The following DZIP3 variants were observed in gnomAD, a reference collection of about 807,000 sequenced individuals.
The protein encoded by DZIP3 is E3 ubiquitin-protein ligase DZIP3.
In DZIP3, 118 loss-of-function variants were observed where a neutral mutation model predicts 162.0. That is an observed-to-expected ratio of 0.73 (90% CI 0.63 to 0.85). The LOEUF (loss-of-function observed/expected upper bound fraction) is 0.85. Ranked by LOEUF, DZIP3 falls within the 40% of genes least tolerant of loss-of-function variation. The probability of loss-of-function intolerance (pLI) is 0.00; values close to 1 mark genes in which losing one functional copy is unlikely to be tolerated. For synonymous variants in DZIP3, 438 were observed against 458.6 expected, an observed-to-expected ratio of 0.96 and a Z score of 0.57; for missense variants, 1,331 against 1,407.0, an observed-to-expected ratio of 0.95 and a Z score of 0.86.
rs371142337 is a variant in DZIP3, at chr3:108,648,003, A to G, written c.1853A>G (p.Tyr618Cys). 4.3e-6 allele frequency: 7 copies of G among 1,610,362 alleles called. No individual in the cohort carries two copies. In the African/African-American group the frequency reaches 9.4e-5, roughly 22 times the overall value. The part of the protein sequence containing the change: ...EEELSPPLME[Y>C]NINVKSHPEI... ...GAACTAAGTCCACCTCTCATGGAGT[A>G]CAATATAAATGTGAAATCACACCCT... The change falls in exon 16 of 33, where the codon TAC (tyrosine) becomes TGC (cysteine). Residue 618 changes from tyrosine to cysteine, a missense_variant. This residue lies in a region of DZIP3 where 1,278 missense variants were observed against 1,317.1 expected (regional missense o/e 0.97). Coordinates refer to ENST00000361582, the MANE Select transcript of DZIP3 (RefSeq NM_014648.4).
At position 108,662,333 on chromosome 3, in the gene DZIP3, A is replaced by G. The variant is rs138736533; in HGVS notation, c.2423+76A>G. 213 of 1,476,442 alleles carry G rather than the reference A, an allele frequency of 1.4e-4. No homozygotes were observed. In the East Asian group the frequency reaches 4.7e-3, roughly 32 times the overall value. The allele number at this position is 1,476,442 out of a possible 1,614,324, so 91.5% of individuals were successfully genotyped here. ...ATCTTTAATAGTTAATCTCTGCATAACCACTAGGTGGCACTGTGACTACAC... is the reference window on the plus strand; with the variant it reads ...ATCTTTAATAGTTAATCTCTGCATAGCCACTAGGTGGCACTGTGACTACAC... On this transcript the variant is annotated intron_variant, in intron 21 of 32. Transcript: ENST00000361582.
At chr3:108,641,537 A>G (rs1559750594) in intron 12 of DZIP3, among the ~76,000 whole-genome samples, 1 of 152,128 alleles carries the variant, frequency 6.6e-6, no homozygotes, top group Admixed American at 6.6e-5. Flanking sequence ...ATGAGCAGAA[A>G]ATTTTCCAGA....
intron 26 of DZIP3, among the ~76,000 whole-genome samples, chr3:108,678,962 T>G (rs1944208904): frequency 6.6e-6 from 1 of 152,120 alleles, no homozygotes; most frequent in African/African-American, 2.4e-5. Flanking sequence ...AATGATAGTT[T>G]TGCCTTTTAT....
chr3:108,633,057 G>C lies in DZIP3; in HGVS notation c.801G>C (p.Lys267Asn), dbSNP rs1452009622. 2 of 1,473,634 alleles carry C rather than the reference G, an allele frequency of 1.4e-6. No individual in the cohort carries two copies. The highest frequency in any genetic ancestry group is 9.0e-7 in the Non-Finnish European group (1 of 1,108,590). The allele number at this position is 1,473,634 out of a possible 1,614,324, so 91.3% of individuals were successfully genotyped here. Residue 267 changes from lysine (K) to asparagine (N), a missense_variant, in exon 9 of 33, where the codon AAG (lysine) becomes AAC (asparagine). Physicochemically the swap from Lys to Asn is moderately conservative, Grantham distance 94. Around this residue, in one of 2 missense-constraint regions of DZIP3, gnomAD observed 1,278 missense variants for 1,317.1 expected, o/e 0.97. Coordinates refer to ENST00000361582, the MANE Select transcript of DZIP3 (RefSeq NM_014648.4). ...CERSCEADIL[K>N]NTSYKGFFQL... ...GATCTTGTGAAGCTGACATTTTGAAGAACACCAGTTATAAGGTACTGTAAT... is the reference window on the plus strand; with the variant it reads ...GATCTTGTGAAGCTGACATTTTGAACAACACCAGTTATAAGGTACTGTAAT...
At chr3:108,639,676 T>C (rs1228643048) in intron 12 of DZIP3, among the ~76,000 whole-genome samples, 2 of 149,550 alleles carry the variant, frequency 1.3e-5, no homozygotes, top group Non-Finnish European at 3.0e-5. Flanking sequence ...ATTTGTGTCT[T>C]TTTTTTTTTG....
rs1231811653 is a variant in DZIP3 at position 108,637,547 on chromosome 3, A to AG, written c.1064+1dup. On this transcript the variant is annotated frameshift_variant and splice_region_variant, in exon 12 of 33. Coordinates refer to ENST00000361582, the MANE Select transcript of DZIP3 (RefSeq NM_014648.4). LOFTEE classifies it high-confidence loss of function. ...TATCACCATTGAAAATTTAGGAGCA[A>AG]GGTAAGCTTAAAATAAAATACTCTG... is the stretch of plus-strand genomic sequence containing the variant. The AG allele has an allele frequency of 6.2e-7, 1 of 1,609,020 alleles. No individual in the cohort carries two copies. The highest frequency in any genetic ancestry group is 8.5e-7 in the Non-Finnish European group (1 of 1,177,952).
rs189802706 is a variant in DZIP3, at chr3:108,616,452, C to T, written c.259-89C>T. 3,722 of 848,998 alleles carry T rather than the reference C, an allele frequency of 4.4e-3. 20 individuals carry two copies. The highest frequency in any genetic ancestry group is 4.4e-3 in the Non-Finnish European group (2,509 of 565,934). The allele number at this position is 848,998 out of a possible 1,614,324, so 52.6% of individuals were successfully genotyped here. Reference sequence around the variant, plus strand: ...TTTATCTCTATTTTTAAAATTTTCTCCAATGAGCATGAATTATTTGTATAA... The same window carrying T: ...TTTATCTCTATTTTTAAAATTTTCTTCAATGAGCATGAATTATTTGTATAA... On this transcript the variant is annotated intron_variant, in intron 4 of 32. Transcript: ENST00000361582.
At chr3:108,644,914 A>G in intron 14 of DZIP3, 133 bp downstream of exon 14, 5 of 779,256 alleles carry the variant, frequency 6.4e-6, no homozygotes, top group Non-Finnish European at 8.0e-6. Context: ...CAGGAAGGTA[A>G]TAGAAATTAT....
intron 31 of DZIP3, 73 bp from the exon 32 acceptor site, chr3:108,690,714 C>G: frequency 7.3e-7 from 1 of 1,371,528 alleles, no homozygotes; most frequent in Non-Finnish European, 1.0e-6. Context: ...GTTGGTAACC[C>G]TGATGCATAG....
rs141723463 is a variant in DZIP3, at chr3:108,655,877, G to A, written c.2199+1567G>A. 2.2e-3 allele frequency among the ~76,000 whole-genome samples: 330 copies of A among 152,266 alleles called. 2 individuals are homozygous for A. The highest frequency in any genetic ancestry group is 7.6e-3 in the African/African-American group (317 of 41,546). On this transcript the variant is annotated intron_variant, in intron 19 of 32. Coordinates refer to ENST00000361582, the MANE Select transcript of DZIP3 (RefSeq NM_014648.4). ...CCATGCCTGGCTTGGAGGGTCCCAC[G>A]CCCATGGAGCCTCACTCATTGCTAG...
intron 29 of DZIP3, 107 bp downstream of exon 29, chr3:108,688,203 A>G: frequency 1.5e-6 from 2 of 1,311,882 alleles, no homozygotes; most frequent in East Asian, 4.8e-5. Flanking sequence ...GTAACTTGTA[A>G]TCATATTAAA....
rs562475123 is a variant in DZIP3, at chr3:108,651,973, TATAAA to T, written c.2033+815_2033+819del. Among the ~76,000 whole-genome samples the T allele has an allele frequency of 1.7e-3, 253 of 152,018 alleles. 2 individuals are homozygous for T. Among genetic ancestry groups the T allele is most frequent in the African/African-American group, 5.9e-3 (246 of 41,570 alleles). ...TTCAATTGATGTGATCCACTTGGTA[TATAAA>T]ATAGTTCATCATTTAAGTTGTGTTT... On this transcript the variant is annotated intron_variant, in intron 18 of 32. Coordinates refer to ENST00000361582, the MANE Select transcript of DZIP3 (RefSeq NM_014648.4).
At position 108,613,747 on chromosome 3, in the gene DZIP3, C is replaced by A. The variant is rs570196953; in HGVS notation, c.258+2418C>A. On this transcript the variant is annotated intron_variant, in intron 4 of 32. Transcript: ENST00000361582. ...ATTGGCCATATGCTAGGTCACAAAGCAAGCCCCATCAGATTTCAGAGTATC... is the reference window on the plus strand; with the variant it reads ...ATTGGCCATATGCTAGGTCACAAAGAAAGCCCCATCAGATTTCAGAGTATC... Among the ~76,000 whole-genome samples, 6 of 152,234 alleles carry A rather than the reference C, an allele frequency of 3.9e-5. No individual in the cohort carries two copies. In the East Asian group the frequency reaches 9.6e-4, roughly 24 times the overall value.
intron 19 of DZIP3, among the ~76,000 whole-genome samples, chr3:108,658,785 A>G (rs558799878): frequency 0.013 from 1,974 of 152,090 alleles, 20 homozygotes; most frequent in Non-Finnish European, 0.019. Context: ...TCAAATAGAC[A>G]CAATAAAAAA....
intron 7 of DZIP3, among the ~76,000 whole-genome samples, chr3:108,626,239 T>G (rs567607801): frequency 3.3e-5 from 5 of 152,356 alleles, no homozygotes; most frequent in African/African-American, 1.2e-4. Flanking sequence ...AGCTACATTT[T>G]TTATCACTTA....
intron 21 of DZIP3, among the ~76,000 whole-genome samples, chr3:108,663,680 C>A (rs1245195026): frequency 6.6e-6 from 1 of 152,086 alleles, no homozygotes; most frequent in Non-Finnish European, 1.5e-5. Context: ...GCCATCAATG[C>A]AGATGAGCTA....
intron 28 of DZIP3, 138 bp from the exon 29 acceptor site, chr3:108,687,838 G>A: frequency 9.0e-7 from 1 of 1,116,482 alleles, no homozygotes; most frequent in Non-Finnish European, 1.3e-6. Context: ...CACTTTTTTA[G>A]ATCAAAGACC....
intron 1 of DZIP3, chr3:108,603,275 A>G (rs1204192115): frequency 1.3e-5 from 2 of 152,216 alleles, no homozygotes; most frequent in African/African-American, 4.8e-5. Context: ...TTTTATTAAA[A>G]TAACACAGAG....
At chr3:108,598,342 G>A (rs547062376) in intron 1 of DZIP3, among the ~76,000 whole-genome samples, 1 of 152,204 alleles carries the variant, frequency 6.6e-6, no homozygotes, top group Non-Finnish European at 1.5e-5. Flanking sequence ...TTACAATAAT[G>A]TTTATCTTCC....
Sources: gnomAD v4.1 joint callset for allele counts (sites outside exome capture counted in the v4.1 genomes callset) on GRCh38, gnomAD v4.1.1 for gene constraint, gnomAD v4.1.1 regional missense constraint, MANE v1.5 for transcripts, NCBI Gene and HGNC (gene_info 2026-07-23, HGNC 2026-07-21) for gene names.